PAM: variants seen among roughly 807,000 people sequenced by gnomAD.
PAM encodes peptidylglycine alpha-amidating monooxygenase.
A neutral mutation model predicts 122.1 loss-of-function variants in PAM; 72 were observed. That is an observed-to-expected ratio of 0.59 (90% CI 0.49 to 0.72). The LOEUF (loss-of-function observed/expected upper bound fraction) is 0.72, where lower values mean the gene tolerates loss of function less well. Among genes scored for constraint, PAM ranks in the 30% least tolerant of loss-of-function variants. PAM has a pLI of 0.00. For synonymous variants in PAM, 389 were observed against 404.4 expected, an observed-to-expected ratio of 0.96 and a Z score of 0.46; for missense variants, 1,106 against 1,183.7, an observed-to-expected ratio of 0.93 and a Z score of 0.96.
chr5:102,899,541 G>T (rs747824343), intron 3 of PAM, among the ~76,000 whole-genome samples: 7 of 151,504 alleles, frequency 4.6e-5, no homozygotes, highest in Admixed American at 6.6e-5. Flanking sequence ...ATAAATATAT[G>T]CTTAGCTGCT....
intron 24 of PAM, among the ~76,000 whole-genome samples, chr5:103,027,977 G>C (rs1292653870): frequency 6.6e-6 from 1 of 152,190 alleles, no homozygotes; most frequent in African/African-American, 2.4e-5. Context: ...CAGCCAGTAA[G>C]AGACACGGGC....
At chr5:102,931,808 CTCTCTCT>C (rs1751618949) in intron 7 of PAM, among the ~76,000 whole-genome samples, 1 of 75,678 alleles carries the variant, frequency 1.3e-5, no homozygotes, top group South Asian at 3.4e-4. Flanking sequence ...AAACAACACA[CTCTCTCT>C]CTCTCTCTCT....
intron 1 of PAM, among the ~76,000 whole-genome samples, chr5:102,840,079 A>G (rs1391005395): frequency 1.3e-5 from 2 of 152,182 alleles, no homozygotes; most frequent in Admixed American, 6.5e-5. Flanking sequence ...CCTAATTAAA[A>G]TTAATATGCT....
intron 1 of PAM, among the ~76,000 whole-genome samples, chr5:102,781,589 G>A (rs1758958340): frequency 6.6e-6 from 1 of 152,148 alleles, no homozygotes; most frequent in South Asian, 2.1e-4. Flanking sequence ...CCACATTGCA[G>A]TGCTGCTCAG....
intron 1 of PAM, among the ~76,000 whole-genome samples, chr5:102,795,243 T>C (rs1244284808): frequency 6.7e-6 from 1 of 148,576 alleles, no homozygotes; most frequent in East Asian, 2.0e-4. Context: ...GAAAAGTGCT[T>C]GGAATGGGAG....
chr5:102,962,902 T>C (rs1290113797), intron 14 of PAM, among the ~76,000 whole-genome samples: 1 of 151,858 alleles, frequency 6.6e-6, no homozygotes, highest in Non-Finnish European at 1.5e-5. Flanking sequence ...AAACTCTTAC[T>C]GGTCCCCGAG....
chr5:102,774,829 A>T (rs1023361141), intron 1 of PAM, among the ~76,000 whole-genome samples: 2 of 152,014 alleles, frequency 1.3e-5, no homozygotes, highest in Admixed American at 1.3e-4. Flanking sequence ...AACATACTTA[A>T]TGTTTTAATT....
chr5:103,021,227 A>G (rs1300729650), intron 23 of PAM, among the ~76,000 whole-genome samples: 2 of 152,194 alleles, frequency 1.3e-5, no homozygotes, highest in African/African-American at 4.8e-5. Flanking sequence ...TCTATTTGGT[A>G]CCAAAGCCTG....
At chr5:102,840,406 G>C (rs915812292) in intron 1 of PAM, among the ~76,000 whole-genome samples, 2 of 152,122 alleles carry the variant, frequency 1.3e-5, no homozygotes, top group Non-Finnish European at 2.9e-5. Context: ...CTTGTACATA[G>C]TGCATTCTTA....
intron 15 of PAM, among the ~76,000 whole-genome samples, chr5:102,980,507 T>C (rs1365196314): frequency 6.6e-6 from 1 of 152,188 alleles, no homozygotes; most frequent in Admixed American, 6.5e-5. Flanking sequence ...AAGACAGTTA[T>C]GTGGAATAAT....
chr5:102,862,406 C>G (rs568677907), intron 1 of PAM, among the ~76,000 whole-genome samples: 1 of 152,114 alleles, frequency 6.6e-6, no homozygotes, highest in African/African-American at 2.4e-5. Flanking sequence ...GTGCCTTGTT[C>G]AGTTTTTGCC....
intron 22 of PAM, among the ~76,000 whole-genome samples, chr5:103,018,883 G>A (rs895734149): frequency 1.3e-5 from 2 of 152,174 alleles, no homozygotes; most frequent in Non-Finnish European, 2.9e-5. Context: ...AATGGTTTCA[G>A]GATAAAACTA....
intron 1 of PAM, among the ~76,000 whole-genome samples, chr5:102,780,815 CTTTCTTTCTT>C (rs1758676543): frequency 1.5e-5 from 2 of 133,318 alleles, no homozygotes; most frequent in Non-Finnish European, 3.3e-5. Context: ...TTCTTTCTTT[CTTTCTTTCTT>C]TCTTTCTTTC....
chr5:103,020,050 A>G (rs1033643484), intron 23 of PAM, among the ~76,000 whole-genome samples: 33 of 152,156 alleles, frequency 2.2e-4, no homozygotes, highest in African/African-American at 7.5e-4. Flanking sequence ...AATGAGCTCA[A>G]ATTACTGATT....
chr5:102,921,944 G>C (rs114407857), intron 5 of PAM, among the ~76,000 whole-genome samples: 3 of 152,094 alleles, frequency 2.0e-5, no homozygotes, highest in African/African-American at 7.2e-5. Context: ...CTTGCTGGCA[G>C]TGTTCTTATA....
At chr5:102,850,606 G>C (rs537817473) in intron 1 of PAM, among the ~76,000 whole-genome samples, 1 of 152,120 alleles carries the variant, frequency 6.6e-6, no homozygotes, top group African/African-American at 2.4e-5. Context: ...TCACACACAG[G>C]CTTTTAAAAC....
chr5:102,814,522 T>C lies in PAM; in HGVS notation c.-373-51301T>C, dbSNP rs932889111. ...GCGTCTCTCTCTCTCTCTCTCCCTCTCTCTATATATACATATATATTGATA... is the reference window on the plus strand; with the variant it reads ...GCGTCTCTCTCTCTCTCTCTCCCTCCCTCTATATATACATATATATTGATA... On this transcript the variant is annotated intron_variant, in intron 1 of 25. Coordinates refer to ENST00000438793, the MANE Select transcript of PAM (RefSeq NM_001177306.2). Among the ~76,000 whole-genome samples the C allele has an allele frequency of 1.2e-3, 178 of 148,998 alleles. 2 individuals are homozygous for C. The highest frequency in any genetic ancestry group is 4.1e-3 in the African/African-American group (165 of 40,510).
chr5:102,855,794 C>T (rs1295839446), intron 1 of PAM, among the ~76,000 whole-genome samples: 2 of 152,022 alleles, frequency 1.3e-5, no homozygotes, highest in African/African-American at 4.8e-5. Flanking sequence ...CAGATCCCCA[C>T]CTTCAGACCA....
chr5:102,801,046 A>G (rs907381675), intron 1 of PAM, among the ~76,000 whole-genome samples: 5 of 152,118 alleles, frequency 3.3e-5, no homozygotes, highest in Non-Finnish European at 7.4e-5. Flanking sequence ...TTACTTGACA[A>G]TGGTTACAAC....
Sources: allele counts gnomAD v4.1 joint callset (sites outside exome capture counted in the v4.1 genomes callset), GRCh38; gene constraint gnomAD v4.1.1; transcripts MANE v1.5; gene names NCBI Gene and HGNC (gene_info 2026-07-23, HGNC 2026-07-21).